LRRK2: variants seen among roughly 807,000 people sequenced by gnomAD.
LRRK2 encodes the protein leucine-rich repeat serine/threonine-protein kinase 2.
In LRRK2, 203 loss-of-function variants were observed where a neutral mutation model predicts 302.6. The observed-to-expected ratio is 0.67, with a 90% CI of 0.60 to 0.75. The LOEUF (loss-of-function observed/expected upper bound fraction) is 0.75. LRRK2 is among the 30% of genes least tolerant of loss of function. LRRK2 has a pLI of 0.00. For synonymous variants in LRRK2, 1,066 were observed against 1,031.9 expected (o/e 1.03, Z -0.63); for missense variants, 2,830 against 2,951.0 (o/e 0.96, Z 0.95).
At chr12:40,329,410 T>C (rs750291606) in intron 39 of LRRK2, among the ~76,000 whole-genome samples, 44 of 152,174 alleles carry the variant, frequency 2.9e-4, no homozygotes, top group Admixed American at 6.5e-4. Flanking sequence ...TCAAGTTCTT[T>C]AATTTATTCT....
intron 11 of LRRK2, among the ~76,000 whole-genome samples, chr12:40,254,826 C>A (rs758507357): frequency 1.8e-4 from 27 of 152,094 alleles, no homozygotes; most frequent in Admixed American, 6.6e-5. Context: ...AGTAAAATGT[C>A]CTCAGATCCT....
Position 40,249,936 on chromosome 12 carries a change from G to A in LRRK2, c.949G>A (p.Ala317Thr). ...ALQISALSCL[A>T]LLTETIFLNQ... ...GCAGATCTCAGCGCTCAGCTGTTTGGCCCTCCTCAGTAAGTAACTTCACTA... is the reference window on the plus strand; with the variant it reads ...GCAGATCTCAGCGCTCAGCTGTTTGACCCTCCTCAGTAAGTAACTTCACTA... The change falls in exon 8 of 51, where the codon GCC becomes ACC. Residue 317 changes from alanine (A) to threonine (T), a missense_variant. Ala to Thr is a moderately conservative substitution (Grantham distance 58). Coordinates refer to ENST00000298910, the MANE Select transcript of LRRK2 (RefSeq NM_198578.4). 1 of 1,613,608 alleles carries A rather than the reference G, an allele frequency of 6.2e-7. No homozygotes were observed. Among genetic ancestry groups the A allele is most frequent in the South Asian group, 1.1e-5 (1 of 91,062 alleles).
Position 40,359,325 on chromosome 12 carries a change from G to T in LRRK2, c.6909G>T (p.Leu2303Phe), listed in dbSNP as rs1439323087. The T allele has an allele frequency of 6.2e-6, 10 of 1,612,702 alleles. No homozygotes were observed. The Admixed American group carries it at 1.5e-4, about 24-fold the overall frequency. Reference sequence around the variant, plus strand: ...ATGTCAGTACTCCATTGATGTGTTTGAGTGAATCCACAAATTCAACGGAAA... The same window carrying T: ...ATGTCAGTACTCCATTGATGTGTTTTAGTGAATCCACAAATTCAACGGAAA... ...IGNVSTPLMCLSESTNSTERN... is the reference protein window; with the variant it reads ...IGNVSTPLMCFSESTNSTERN... The change falls in exon 47 of 51, where the codon TTG becomes TTT. Residue 2303 changes from leucine to phenylalanine, a missense_variant. Physicochemically the swap from Leu to Phe is conservative, Grantham distance 22. Around this residue, in one of 3 missense-constraint regions of LRRK2, gnomAD observed 456 missense variants for 456.3 expected, o/e 1.00. Coordinates refer to ENST00000298910, the MANE Select transcript of LRRK2 (RefSeq NM_198578.4).
chr12:40,304,940 A>G (rs1944763078), intron 27 of LRRK2: 1 of 152,068 alleles, frequency 6.6e-6, no homozygotes, highest in African/African-American at 2.4e-5. Flanking sequence ...ATCTCTGTCC[A>G]ATCTGTTAAC....
At chr12:40,243,411 TAAA>T in intron 6 of LRRK2, 136 bp from the exon 7 acceptor site, 1 of 900,790 alleles carries the variant, frequency 1.1e-6, no homozygotes, top group East Asian at 2.6e-5. Context: ...TACAGCTACT[TAAA>T]GAACATGATG....
intron 40 of LRRK2, among the ~76,000 whole-genome samples, chr12:40,337,710 A>C (rs1945917048): frequency 6.6e-6 from 1 of 152,208 alleles, no homozygotes; most frequent in South Asian, 2.1e-4. Context: ...TTATGCTTGC[A>C]ATTCCTTGAC....
intron 28 of LRRK2, among the ~76,000 whole-genome samples, chr12:40,307,781 C>CTTTTTTTTTTTTTTTTTTTT (rs201473630): frequency 8.4e-6 from 1 of 119,412 alleles, no homozygotes; most frequent in Non-Finnish European, 1.7e-5. Flanking sequence ...CTTTTCTTTT[C>CTTTTTTTTTTTTTTTTTTTT]TTTTTTTTTT....
intron 20 of LRRK2, among the ~76,000 whole-genome samples, 196 bp from the exon 21 acceptor site, chr12:40,293,346 ATGT>A (rs1209586183): frequency 3.9e-5 from 6 of 151,968 alleles, no homozygotes; most frequent in Non-Finnish European, 5.9e-5. Flanking sequence ...GTGAAGAAAA[ATGT>A]TGTTGAATTT....
chr12:40,254,822 A>C (rs1942430131), intron 11 of LRRK2, among the ~76,000 whole-genome samples: 1 of 152,084 alleles, frequency 6.6e-6, no homozygotes, highest in South Asian at 2.1e-4. Context: ...GTCAAGTAAA[A>C]TGTCCTCAGA....
chr12:40,326,498 A>G (rs1182024439), intron 38 of LRRK2, among the ~76,000 whole-genome samples: 1 of 151,654 alleles, frequency 6.6e-6, no homozygotes, highest in Non-Finnish European at 1.5e-5. Flanking sequence ...AGAAAAAAAA[A>G]ACAACTAGAA....
chr12:40,282,170 T>TCC (rs1402514718), intron 18 of LRRK2, among the ~76,000 whole-genome samples: 1 of 133,776 alleles, frequency 7.5e-6, no homozygotes, highest in Non-Finnish European at 1.6e-5. Flanking sequence ...CCCTTCCCCT[T>TCC]CCTCTTCCCC....
chr12:40,237,008 C>T (rs998295327), intron 4 of LRRK2, among the ~76,000 whole-genome samples: 1 of 151,828 alleles, frequency 6.6e-6, no homozygotes, highest in Admixed American at 6.6e-5. Context: ...TTTTTATTGA[C>T]AGAATAGATG....
chr12:40,290,458 T>C (rs1232205601), intron 20 of LRRK2, among the ~76,000 whole-genome samples: 3 of 152,078 alleles, frequency 2.0e-5, no homozygotes, highest in African/African-American at 7.2e-5. Flanking sequence ...TGGAAGAATT[T>C]GTGTAAAGGT....
At position 40,364,903 on chromosome 12, in the gene LRRK2, A is replaced by G; in HGVS notation, c.7243A>G (p.Lys2415Glu). ...KHKMSYSGRVKTLCLQKNTAL... is the reference protein window; with the variant it reads ...KHKMSYSGRVETLCLQKNTAL... ...CAAAATGTCTTATTCTGGGAGAGTG[A>G]AAACCCTCTGCCTTCAGAAGAACAC... is the stretch of plus-strand genomic sequence containing the variant. The change falls in exon 49 of 51, where the codon AAA (lysine) becomes GAA (glutamate). Residue 2415 changes from lysine to glutamate, a missense_variant. Physicochemically the swap from Lys to Glu is moderately conservative, Grantham distance 56. Coordinates refer to ENST00000298910, the MANE Select transcript of LRRK2 (RefSeq NM_198578.4). The G allele has an allele frequency of 6.2e-7, 1 of 1,612,500 alleles. No individual in the cohort carries two copies. Among genetic ancestry groups the G allele is most frequent in the South Asian group, 1.1e-5 (1 of 91,050 alleles).
Position 40,264,676 on chromosome 12 carries a change from G to A in LRRK2, c.1656+775G>A, listed in dbSNP as rs141591936. On this transcript the variant is annotated intron_variant, in intron 14 of 50. Coordinates refer to ENST00000298910, the MANE Select transcript of LRRK2 (RefSeq NM_198578.4). ...AGTAAAGTCTTCTTTGATTCCCTAC[G>A]CTCCTTTTCATTGTTCTCCGGAGAA... 5.6e-3 allele frequency among the ~76,000 whole-genome samples: 859 copies of A among 152,172 alleles called. 2 individuals carry two copies. The highest frequency in any genetic ancestry group is 0.01 in the Middle Eastern group (3 of 294).
intron 48 of LRRK2, among the ~76,000 whole-genome samples, chr12:40,364,449 A>G (rs1427428875): frequency 1.3e-5 from 2 of 151,946 alleles, no homozygotes; most frequent in African/African-American, 2.4e-5. Context: ...TATCTTTTAC[A>G]TGTGAATGAC....
intron 50 of LRRK2, chr12:40,367,412 GTTAA>G (rs1946912004): frequency 4.9e-6 from 2 of 406,552 alleles, no homozygotes; most frequent in Non-Finnish European, 8.6e-6. Context: ...AATATGAAAT[GTTAA>G]TTTATTAAAT....
chr12:40,291,877 GT>G, intron 20 of LRRK2, among the ~76,000 whole-genome samples: 3 of 152,016 alleles, frequency 2.0e-5, no homozygotes, highest in Middle Eastern at 6.8e-3. Context: ...TTGAAGCTCT[GT>G]TGTTTGTTGT....
At chr12:40,230,850 T>G (rs910851034) in intron 2 of LRRK2, among the ~76,000 whole-genome samples, 2 of 152,222 alleles carry the variant, frequency 1.3e-5, no homozygotes, top group African/African-American at 4.8e-5. Context: ...TTAGTCAAGT[T>G]GGCATCTTGT....
Sources: allele counts gnomAD v4.1 joint callset (sites outside exome capture counted in the v4.1 genomes callset), GRCh38; gene constraint gnomAD v4.1.1; regional missense constraint gnomAD v4.1.1; transcripts MANE v1.5; gene names NCBI Gene and HGNC (gene_info 2026-07-23, HGNC 2026-07-21).